Variants in FRAS1 observed in about 807,000 individuals in gnomAD.
The protein encoded by FRAS1 is Fraser extracellular matrix complex subunit 1, also known as extracellular matrix organizing protein FRAS1.
A neutral mutation model predicts 435.2 loss-of-function variants in FRAS1; 290 were observed. That is an observed-to-expected ratio of 0.67 (90% CI 0.61 to 0.73). The LOEUF (loss-of-function observed/expected upper bound fraction) is 0.73, where lower values mean the gene tolerates loss of function less well. Among genes scored for constraint, FRAS1 ranks in the 30% least tolerant of loss-of-function variants. FRAS1 has a pLI of 0.00. For missense variants in FRAS1, 4,860 were observed against 5,001.5 expected, an observed-to-expected ratio of 0.97 and a Z score of 0.85; for synonymous variants, 1,800 against 1,851.0, an observed-to-expected ratio of 0.97 and a Z score of 0.71.
At chr4:78,495,562 A>AACACATAC (rs1489727579) in intron 59 of FRAS1, among the ~76,000 whole-genome samples, 1 of 152,184 alleles carries the variant, frequency 6.6e-6, no homozygotes, top group Non-Finnish European at 1.5e-5. Flanking sequence ...TGTGCTTTAA[A>AACACATAC]ACACATACAT....
chr4:78,117,443 G>C (rs188125504), intron 2 of FRAS1, among the ~76,000 whole-genome samples: 5 of 152,066 alleles, frequency 3.3e-5, no homozygotes, highest in Admixed American at 6.5e-5. Flanking sequence ...ACTTGGTTCC[G>C]TTCTCCCTGT....
chr4:78,494,334 A>T (rs1480353107), intron 59 of FRAS1, among the ~76,000 whole-genome samples: 1 of 152,162 alleles, frequency 6.6e-6, no homozygotes. Context: ...TGGGTAGTTC[A>T]TAAAGAAAAG....
Position 78,237,832 on chromosome 4 carries a change from A to G in FRAS1, c.216+215A>G, listed in dbSNP as rs1337374774. Among the ~76,000 whole-genome samples, 4 of 152,324 alleles carry G rather than the reference A, an allele frequency of 2.6e-5. No homozygotes were observed. In the East Asian group the frequency reaches 7.7e-4, roughly 29 times the overall value. ...TCAAAGAACATCCCAATTTCCATTT[A>G]TTGGGCATTTACTCTGGACCAGGGA... On this transcript the variant is annotated intron_variant, in intron 3 of 73. Transcript: ENST00000512123.
intron 45 of FRAS1, 64 bp downstream of exon 45, chr4:78,450,403 A>G (rs1447213777): frequency 1.5e-6 from 2 of 1,299,210 alleles, no homozygotes; most frequent in East Asian, 2.3e-5. Flanking sequence ...TAAAATGAGA[A>G]TTAAATATCT....
intron 14 of FRAS1, among the ~76,000 whole-genome samples, chr4:78,291,151 C>G (rs1207809674): frequency 6.6e-6 from 1 of 152,198 alleles, no homozygotes; most frequent in African/African-American, 2.4e-5. Flanking sequence ...AAAACAGGGA[C>G]ATAATATCTG....
At chr4:78,188,271 ATCTG>A (rs140199778) in intron 2 of FRAS1, among the ~76,000 whole-genome samples, 133,550 of 150,806 alleles carry the variant, frequency 0.89, 59,508 homozygotes, top group Non-Finnish European at 0.94. Flanking sequence ...AGGACAGTCT[ATCTG>A]TCTGTCTATC....
intron 14 of FRAS1, among the ~76,000 whole-genome samples, chr4:78,303,838 A>G (rs1728555108): frequency 6.7e-6 from 1 of 149,224 alleles, no homozygotes; most frequent in African/African-American, 2.4e-5. Flanking sequence ...CTAATTGAAT[A>G]CCCTTTATTT....
chr4:78,521,366 A>G (rs560417216), intron 67 of FRAS1, among the ~76,000 whole-genome samples, 157 bp from the exon 68 acceptor site: 1 of 152,276 alleles, frequency 6.6e-6, no homozygotes, highest in South Asian at 2.1e-4. Flanking sequence ...TACAATTTTA[A>G]TTGGCATATG....
At chr4:78,193,377 A>T (rs1053707589) in intron 2 of FRAS1, among the ~76,000 whole-genome samples, 2 of 152,112 alleles carry the variant, frequency 1.3e-5, no homozygotes, top group African/African-American at 4.8e-5. Flanking sequence ...GGGGTGTTAA[A>T]GTTTCCCATT....
At chr4:78,065,880 T>C (rs1740010610) in intron 1 of FRAS1, 105 bp from the exon 2 acceptor site, 8 of 793,124 alleles carry the variant, frequency 1.0e-5, no homozygotes, top group Non-Finnish European at 1.5e-5. Flanking sequence ...CTCATTTTCC[T>C]GGTTATGATG....
At chr4:78,076,734 C>T (rs767168043) in intron 2 of FRAS1, among the ~76,000 whole-genome samples, 18 of 151,878 alleles carry the variant, frequency 1.2e-4, no homozygotes, top group Admixed American at 2.0e-4. Context: ...CTGAGGACCT[C>T]GAGGAGAAGA....
chr4:78,283,069 G>T, intron 12 of FRAS1, 102 bp downstream of exon 12: 1 of 848,906 alleles, frequency 1.2e-6, no homozygotes, highest in Non-Finnish European at 1.7e-6. Flanking sequence ...TTTATTTTTA[G>T]TTAACCAATG....
chr4:78,075,528 G>A (rs1740595980), intron 2 of FRAS1, among the ~76,000 whole-genome samples: 1 of 152,164 alleles, frequency 6.6e-6, no homozygotes, highest in Non-Finnish European at 1.5e-5. Flanking sequence ...TTTGGGATAA[G>A]TGTCAGTAGG....
rs769319563 is a variant in FRAS1 at position 78,387,361 on chromosome 4, C to G, written c.3649-14C>G. On this transcript the variant is annotated splice_polypyrimidine_tract_variant and intron_variant, in intron 28 of 73. Transcript: ENST00000512123. Reference sequence around the variant, plus strand: ...TTCCCTCTTAACTGACTCTTCTTCCCTTCAACTCCACAGGCCCCCTATGTG... The same window carrying G: ...TTCCCTCTTAACTGACTCTTCTTCCGTTCAACTCCACAGGCCCCCTATGTG... 1 of 1,582,100 alleles carries G rather than the reference C, an allele frequency of 6.3e-7. No homozygotes were observed. The highest frequency in any genetic ancestry group is 1.2e-5 in the South Asian group (1 of 85,454).
rs949776695 is a variant in FRAS1 at position 78,421,850 on chromosome 4, C to T, written c.4541-13C>T. On this transcript the variant is annotated splice_polypyrimidine_tract_variant and intron_variant, in intron 33 of 73. Coordinates refer to ENST00000512123, the MANE Select transcript of FRAS1 (RefSeq NM_025074.7). ...ATTACTGTTGATGCTGAGGCCAAAT[C>T]TCTTCCTCCCAGGTATCATCGAGCA... The T allele has an allele frequency of 6.2e-7, 1 of 1,613,708 alleles. No homozygotes were observed. Among genetic ancestry groups the T allele is most frequent in the South Asian group, 1.1e-5 (1 of 91,040 alleles).
In FRAS1 at chr4:78,098,671, C is replaced by T. The variant is rs530036920; in HGVS notation, c.108+32655C>T. On this transcript the variant is annotated intron_variant, in intron 2 of 73. Coordinates refer to ENST00000512123, the MANE Select transcript of FRAS1 (RefSeq NM_025074.7). Reference sequence around the variant, plus strand: ...GTTAGGATATATATAATATAAATGGCTTTGATGACATGCACTAACGTGTGA... The same window carrying T: ...GTTAGGATATATATAATATAAATGGTTTTGATGACATGCACTAACGTGTGA... 1.6e-3 allele frequency among the ~76,000 whole-genome samples: 251 copies of T among 152,306 alleles called. 2 individuals are homozygous for T. Among genetic ancestry groups the T allele is most frequent in the African/African-American group, 5.6e-3 (231 of 41,574 alleles).
chr4:78,492,865 C>A (rs1030154361), intron 59 of FRAS1, among the ~76,000 whole-genome samples: 18 of 152,192 alleles, frequency 1.2e-4, no homozygotes, highest in Non-Finnish European at 2.2e-4. Context: ...TCAGAGTGAA[C>A]AGGCAACCTA....
intron 32 of FRAS1, among the ~76,000 whole-genome samples, chr4:78,417,683 C>T (rs1188235529): frequency 2.6e-5 from 4 of 152,304 alleles, no homozygotes; most frequent in South Asian, 4.2e-4. Context: ...AGGACAAATA[C>T]GCCTTGGGGA....
intron 20 of FRAS1, among the ~76,000 whole-genome samples, chr4:78,362,266 A>T (rs550220906): frequency 3.9e-5 from 6 of 152,352 alleles, no homozygotes; most frequent in African/African-American, 1.4e-4. Context: ...ATTCATACTG[A>T]AGGCTGAGAC....
Sources: gnomAD v4.1 joint callset for allele counts (sites outside exome capture counted in the v4.1 genomes callset) on GRCh38, gnomAD v4.1.1 for gene constraint, MANE v1.5 for transcripts, NCBI Gene and HGNC (gene_info 2026-07-23, HGNC 2026-07-21) for gene names.